SEMA3A: variants seen among roughly 807,000 people sequenced by gnomAD.
The protein encoded by SEMA3A is semaphorin 3A.
SEMA3A carries 29 observed loss-of-function variants against 97.9 expected under a neutral mutation model. That is an observed-to-expected ratio of 0.30 (90% CI 0.22 to 0.40). The LOEUF (loss-of-function observed/expected upper bound fraction) is 0.40, where lower values mean the gene tolerates loss of function less well. SEMA3A is among the 10% of genes least tolerant of loss of function. The pLI, the probability that SEMA3A is intolerant of heterozygous loss-of-function variation, is 1.00. For missense variants in SEMA3A, 763 were observed against 951.3 expected (o/e 0.80, Z 2.60); for synonymous variants, 321 against 323.7 (o/e 0.99, Z 0.09).
chr7:84,383,864 TA>T (rs1803331460), intron 1 of SEMA3A, among the ~76,000 whole-genome samples: 1 of 152,212 alleles, frequency 6.6e-6, no homozygotes, highest in Non-Finnish European at 1.5e-5. Context: ...CCTTACGTAT[TA>T]AGCTCTTTAC....
intron 1 of SEMA3A, among the ~76,000 whole-genome samples, chr7:84,417,180 C>T (rs1206962221): frequency 6.6e-6 from 1 of 151,984 alleles, no homozygotes; most frequent in Non-Finnish European, 1.5e-5. Flanking sequence ...TGATTTAATA[C>T]TTAATTACAA....
intron 1 of SEMA3A, among the ~76,000 whole-genome samples, chr7:84,385,425 C>T (rs1349648834): frequency 6.6e-6 from 1 of 152,162 alleles, no homozygotes; most frequent in Non-Finnish European, 1.5e-5. Context: ...TAACTTCCTG[C>T]TCATGGAAAC....
At chr7:84,292,434 T>TA (rs768960520) in intron 3 of SEMA3A, among the ~76,000 whole-genome samples, 7,598 of 141,358 alleles carry the variant, frequency 0.054, 611 homozygotes, top group African/African-American at 0.18. Flanking sequence ...AATACTTGAC[T>TA]AAAAAAAAAA....
intron 1 of SEMA3A, among the ~76,000 whole-genome samples, chr7:84,461,529 G>T (rs529720558): frequency 6.6e-6 from 1 of 151,552 alleles, no homozygotes; most frequent in Non-Finnish European, 1.5e-5. Flanking sequence ...TAATTTAGGA[G>T]ACTTATGCAT....
At chr7:84,330,247 A>C (rs989708798) in intron 2 of SEMA3A, among the ~76,000 whole-genome samples, 6 of 152,152 alleles carry the variant, frequency 3.9e-5, no homozygotes, top group Middle Eastern at 3.4e-3. Context: ...CCTGAACTTA[A>C]AAGTTAACTT....
intron 3 of SEMA3A, among the ~76,000 whole-genome samples, chr7:84,267,679 AAGAT>A (rs1390445800): frequency 1.3e-5 from 2 of 152,236 alleles, no homozygotes; most frequent in African/African-American, 2.4e-5. Context: ...AGTAGACTGA[AAGAT>A]AGCTAAAATA....
At chr7:84,143,477 A>G (rs1013686898) in intron 1 of SEMA3A, among the ~76,000 whole-genome samples, 5 of 152,206 alleles carry the variant, frequency 3.3e-5, no homozygotes, top group African/African-American at 7.2e-5. Flanking sequence ...CAAATCATAG[A>G]GATTGCATCC....
intron 1 of SEMA3A, among the ~76,000 whole-genome samples, chr7:84,454,519 A>G (rs1188383492): frequency 6.6e-6 from 1 of 152,186 alleles, no homozygotes; most frequent in African/African-American, 2.4e-5. Context: ...TAAAACAGTA[A>G]CTTTAAATAT....
chr7:84,308,910 C>T (rs774569554), intron 2 of SEMA3A, among the ~76,000 whole-genome samples: 6 of 151,376 alleles, frequency 4.0e-5, no homozygotes, highest in Admixed American at 6.6e-5. Flanking sequence ...CTCCGCCTCC[C>T]GGGTTCAAGC....
At chr7:84,321,419 C>A (rs1204743294) in intron 2 of SEMA3A, among the ~76,000 whole-genome samples, 1 of 152,086 alleles carries the variant, frequency 6.6e-6, no homozygotes, top group East Asian at 1.9e-4. Context: ...TCTCTCTGCA[C>A]AGTAAAATCA....
chr7:84,470,235 G>C (rs904478772), intron 1 of SEMA3A, among the ~76,000 whole-genome samples: 1 of 152,012 alleles, frequency 6.6e-6, no homozygotes, highest in African/African-American at 2.4e-5. Flanking sequence ...TCCATTATCA[G>C]AAGTTTCAAG....
At chr7:84,249,804 A>G (rs1323839730) in intron 3 of SEMA3A, among the ~76,000 whole-genome samples, 2 of 151,928 alleles carry the variant, frequency 1.3e-5, no homozygotes, top group African/African-American at 4.8e-5. Context: ...AAAATTGTCA[A>G]GTACCTCTCT....
intron 6 of SEMA3A, among the ~76,000 whole-genome samples, chr7:84,040,284 C>T (rs1792090114): frequency 2.0e-5 from 3 of 151,004 alleles, no homozygotes; most frequent in South Asian, 4.2e-4. Context: ...CATTGCTTCC[C>T]ATCATTCAGC....
chr7:84,110,218 T>C (rs1057195634), intron 4 of SEMA3A, among the ~76,000 whole-genome samples: 1 of 152,166 alleles, frequency 6.6e-6, no homozygotes. Context: ...ACATGCAAAA[T>C]GGATTGGACT....
chr7:84,428,167 T>C (rs1182697165), intron 1 of SEMA3A, among the ~76,000 whole-genome samples: 1 of 152,116 alleles, frequency 6.6e-6, no homozygotes, highest in Non-Finnish European at 1.5e-5. Flanking sequence ...AATAACGCTT[T>C]CCTATAGAAA....
At chr7:84,132,672 T>C (rs1046174062) in intron 2 of SEMA3A, among the ~76,000 whole-genome samples, 6 of 127,714 alleles carry the variant, frequency 4.7e-5, no homozygotes, top group Admixed American at 4.1e-4. Context: ...GTTTTTTTTT[T>C]TTTTTTTTTT....
At chr7:83,997,203 C>A (rs1029073049) in intron 12 of SEMA3A, among the ~76,000 whole-genome samples, 4 of 152,084 alleles carry the variant, frequency 2.6e-5, no homozygotes, top group Admixed American at 1.3e-4. Context: ...TAATAAAATC[C>A]AAGAATATCA....
At chr7:84,105,540 T>C (rs1037074080) in intron 4 of SEMA3A, among the ~76,000 whole-genome samples, 6 of 152,178 alleles carry the variant, frequency 3.9e-5, no homozygotes, top group African/African-American at 1.4e-4. Flanking sequence ...TCAATCATGA[T>C]ATTATGAGAG....
At chr7:83,991,752 G>A (rs943384134) in intron 12 of SEMA3A, among the ~76,000 whole-genome samples, 1 of 146,412 alleles carries the variant, frequency 6.8e-6, no homozygotes, top group Non-Finnish European at 1.5e-5. Context: ...TTGCATCAAT[G>A]TTCATCAAGG....
Sources: allele counts gnomAD v4.1 joint callset (sites outside exome capture counted in the v4.1 genomes callset), GRCh38; gene constraint gnomAD v4.1.1; transcripts MANE v1.5; gene names NCBI Gene and HGNC (gene_info 2026-07-23, HGNC 2026-07-21).